CTTNBP2: variants seen among roughly 807,000 people sequenced by gnomAD.
CTTNBP2 encodes cortactin-binding protein 2.
A neutral mutation model predicts 156.9 loss-of-function variants in CTTNBP2; 108 were observed. That is an observed-to-expected ratio of 0.69 (90% CI 0.59 to 0.81). The LOEUF (loss-of-function observed/expected upper bound fraction) is 0.81, where lower values mean the gene tolerates loss of function less well. Among genes scored for constraint, CTTNBP2 ranks in the 30% least tolerant of loss-of-function variants. The pLI, the probability that CTTNBP2 is intolerant of heterozygous loss-of-function variation, is 0.00. For missense variants in CTTNBP2, 1,924 were observed against 2,035.4 expected (o/e 0.95, Z 1.05); for synonymous variants, 767 against 751.8 (o/e 1.02, Z -0.33).
At chr7:117,774,656 C>T (rs537940681) in intron 8 of CTTNBP2, among the ~76,000 whole-genome samples, 8 of 137,936 alleles carry the variant, frequency 5.8e-5, no homozygotes, top group Non-Finnish European at 9.4e-5. Context: ...TTGTCTTCCA[C>T]GAAACTGGTC....
intron 2 of CTTNBP2, among the ~76,000 whole-genome samples, chr7:117,830,472 G>A (rs770309133): frequency 1.3e-5 from 2 of 152,218 alleles, no homozygotes; most frequent in African/African-American, 2.4e-5. Flanking sequence ...AACAGCCAGA[G>A]ACATACCGAA....
intron 1 of CTTNBP2, among the ~76,000 whole-genome samples, chr7:117,871,434 C>T (rs1277771379): frequency 1.3e-5 from 2 of 152,166 alleles, no homozygotes; most frequent in African/African-American, 4.8e-5. Flanking sequence ...TTGCATCTCG[C>T]AACCCTAAAG....
At chr7:117,848,492 T>A (rs1369219399) in intron 2 of CTTNBP2, among the ~76,000 whole-genome samples, 1 of 152,076 alleles carries the variant, frequency 6.6e-6, no homozygotes, top group African/African-American at 2.4e-5. Context: ...CTACCCAATA[T>A]CTCCAATTTG....
chr7:117,855,003 T>G (rs551037745), intron 2 of CTTNBP2, among the ~76,000 whole-genome samples: 34 of 152,264 alleles, frequency 2.2e-4, no homozygotes, highest in African/African-American at 7.5e-4. Context: ...CAGGCTGGTC[T>G]CGAACTCCTG....
chr7:117,736,816 T>C (rs1460390520), intron 14 of CTTNBP2, among the ~76,000 whole-genome samples: 1 of 152,220 alleles, frequency 6.6e-6, no homozygotes, highest in Non-Finnish European at 1.5e-5. Flanking sequence ...ATCACTTTAG[T>C]TTCTTGAAGA....
intron 8 of CTTNBP2, among the ~76,000 whole-genome samples, chr7:117,776,549 C>T (rs1798111972): frequency 6.6e-6 from 1 of 152,152 alleles, no homozygotes; most frequent in Admixed American, 6.5e-5. Context: ...CACCTCCCTA[C>T]TTCCATGTGT....
At chr7:117,718,368 C>T (rs769583263) in intron 21 of CTTNBP2, among the ~76,000 whole-genome samples, 1 of 151,870 alleles carries the variant, frequency 6.6e-6, no homozygotes, top group Non-Finnish European at 1.5e-5. Flanking sequence ...CAGAAGAACT[C>T]TCTAGGGAAA....
At chr7:117,738,804 T>TA (rs1352344288) in intron 14 of CTTNBP2, among the ~76,000 whole-genome samples, 4 of 152,072 alleles carry the variant, frequency 2.6e-5, no homozygotes, top group Non-Finnish European at 4.4e-5. Context: ...AGGCTGGAGA[T>TA]AAAATAAATG....
rs1211002808 is a variant in CTTNBP2 at position 117,780,576 on chromosome 7, T to G, written c.2388A>C (p.Leu796Phe). 1 of 1,586,846 alleles carries G rather than the reference T, an allele frequency of 6.3e-7. No homozygotes were observed. Among genetic ancestry groups the G allele is most frequent in the African/African-American group, 1.4e-5 (1 of 73,436 alleles). ...AQGHFECVEL[L>F]ISYDANINHA... ...GATTAATGTTAGCATCATATGAAAT[T>G]AATAATTCTACACACCTAAACACAA... is the stretch of plus-strand genomic sequence containing the variant. The change falls in exon 7 of 23, where the codon TTA becomes TTC. Residue 796 changes from leucine to phenylalanine, a missense_variant. Transcript: ENST00000160373.
At chr7:117,835,076 G>T (rs551113878) in intron 2 of CTTNBP2, among the ~76,000 whole-genome samples, 6 of 152,224 alleles carry the variant, frequency 3.9e-5, no homozygotes, top group Non-Finnish European at 8.8e-5. Flanking sequence ...GCACACCTCC[G>T]TAGGTGGAAT....
intron 2 of CTTNBP2, among the ~76,000 whole-genome samples, chr7:117,853,158 C>T (rs1189274692): frequency 6.6e-6 from 1 of 152,146 alleles, no homozygotes; most frequent in Non-Finnish European, 1.5e-5. Context: ...AAGCATGAGC[C>T]AAATGGAATT....
At chr7:117,727,976 G>T in intron 17 of CTTNBP2, 113 bp downstream of exon 17, 1 of 908,314 alleles carries the variant, frequency 1.1e-6, no homozygotes, top group Non-Finnish European at 1.7e-6. Context: ...CTGGCACTCC[G>T]TGTCAGTGAC....
rs150259058 is a variant in CTTNBP2, at chr7:117,851,905, C to T, written c.189+9304G>A. Among the ~76,000 whole-genome samples, 8 of 152,182 alleles carry T rather than the reference C, an allele frequency of 5.3e-5. No homozygotes were observed. The East Asian group carries it at 7.7e-4, about 15-fold the overall frequency. ...TGAAAAATGTATTCCCAGGCACTCA[C>T]GGAAAGAGACTCATCAATAGAAAAT... On this transcript the variant is annotated intron_variant, in intron 2 of 22. Coordinates refer to ENST00000160373, the MANE Select transcript of CTTNBP2 (RefSeq NM_033427.3).
chr7:117,866,751 C>T (rs1159509373), intron 1 of CTTNBP2, among the ~76,000 whole-genome samples: 6 of 152,138 alleles, frequency 3.9e-5, no homozygotes, highest in Admixed American at 1.3e-4. Flanking sequence ...ATCAGGGTAA[C>T]TGGATTACTG....
intron 14 of CTTNBP2, among the ~76,000 whole-genome samples, chr7:117,744,529 T>C (rs948770623): frequency 1.3e-5 from 2 of 152,200 alleles, no homozygotes; most frequent in South Asian, 2.1e-4. Flanking sequence ...CTTTTTTTTA[T>C]GGTCGAATAG....
rs61533705 is a variant in CTTNBP2, at chr7:117,865,671, CAAAAAAAAA to C, written c.82-4364_82-4356del. ...TGGTGACAGAACAAGACTCCATCTC[CAAAAAAAAA>C]AAAAAAAAAAGAAAAGAAAAAATAG... On this transcript the variant is annotated intron_variant, in intron 1 of 22. Transcript: ENST00000160373. Among the ~76,000 whole-genome samples the C allele has an allele frequency of 2.3e-3, 175 of 74,510 alleles. No individual in the cohort carries two copies. The South Asian group carries it at 0.026, about 11-fold the overall frequency. 48.9% of individuals were successfully genotyped at this position (74,510 alleles called of 152,430 possible).
In CTTNBP2 at chr7:117,792,722, G is replaced by A; in HGVS notation, c.474C>T (p.Ala158=). The change falls in exon 4 of 23, where the codon GCC becomes GCT. Residue 158 remains alanine (A), a synonymous_variant. Transcript: ENST00000160373. This position sits in a 1 kb window ranked among gnomAD's most constrained non-coding sequence, Gnocchi z 4.2. ...ALEQEHKKLA[A]RLEEERGKNK... is the part of the protein sequence containing the mutation. ...TCTTGCCACGCTCTTCCTCAAGGCG[G>A]GCAGCCAGCTTCTTGTGCTCTTGCT... 1 of 1,608,678 alleles carries A rather than the reference G, an allele frequency of 6.2e-7. No individual in the cohort carries two copies. The highest frequency in any genetic ancestry group is 8.5e-7 in the Non-Finnish European group (1 of 1,177,260).
At chr7:117,757,020 C>G (rs536164787) in intron 11 of CTTNBP2, among the ~76,000 whole-genome samples, 1 of 152,162 alleles carries the variant, frequency 6.6e-6, no homozygotes, top group South Asian at 2.1e-4. Context: ...TTGCAATCCT[C>G]AGAAAGCTTT....
At chr7:117,838,852 C>T (rs1211681345) in intron 2 of CTTNBP2, among the ~76,000 whole-genome samples, 1 of 150,498 alleles carries the variant, frequency 6.6e-6, no homozygotes, top group African/African-American at 2.5e-5. Flanking sequence ...TAATAATATG[C>T]ATTCATGTAG....
Sources: allele counts gnomAD v4.1 joint callset (sites outside exome capture counted in the v4.1 genomes callset), GRCh38; gene constraint gnomAD v4.1.1; non-coding constraint Gnocchi (gnomAD v3.1); transcripts MANE v1.5; gene names NCBI Gene and HGNC (gene_info 2026-07-23, HGNC 2026-07-21).